IQSEC1: variants seen among roughly 807,000 people sequenced by gnomAD.
IQSEC1 encodes the protein IQ motif and Sec7 domain ArfGEF 1.
Under a neutral mutation model 91.0 loss-of-function variants are expected in IQSEC1, and 31 were observed. The observed-to-expected ratio is 0.34, with a 90% CI of 0.26 to 0.46. The LOEUF (loss-of-function observed/expected upper bound fraction) is 0.46. Among genes scored for constraint, IQSEC1 ranks in the 20% least tolerant of loss-of-function variants. The pLI, the probability that IQSEC1 is intolerant of heterozygous loss-of-function variation, is 1.00. For missense variants in IQSEC1, 1,388 were observed against 1,575.6 expected (o/e 0.88, Z 2.02); for synonymous variants, 699 against 662.6 (o/e 1.05, Z -0.84).
rs908585878 is a variant in IQSEC1, at chr3:13,172,319, T to G, written c.273-8186A>C. Among the ~76,000 whole-genome samples the G allele has an allele frequency of 2.6e-5, 4 of 151,724 alleles. No individual in the cohort carries two copies. In the South Asian group the frequency reaches 8.3e-4, roughly 32 times the overall value. ...GGAGCGGGGCCTGGCACAGAGGAGG[T>G]CTGTTTTTCACAAACAGGTGTTGAA... On this transcript the variant is annotated intron_variant, in intron 1 of 15. Coordinates refer to the IQSEC1 transcript ENST00000648114.
At chr3:13,113,479 C>T (rs1303358052) in intron 2 of IQSEC1, among the ~76,000 whole-genome samples, 1 of 152,228 alleles carries the variant, frequency 6.6e-6, no homozygotes, top group Non-Finnish European at 1.5e-5. Context: ...TGCAGCAGTG[C>T]AGCACCTAGA....
intron 1 of IQSEC1, among the ~76,000 whole-genome samples, chr3:13,032,528 A>C (rs1576193120): frequency 6.6e-6 from 1 of 152,086 alleles, no homozygotes; most frequent in African/African-American, 2.4e-5. Context: ...CCCCTAAAAC[A>C]CCAAAATAGC....
intron 1 of IQSEC1, among the ~76,000 whole-genome samples, chr3:13,279,730 T>C (rs1413038396): frequency 6.6e-6 from 1 of 152,176 alleles, no homozygotes; most frequent in African/African-American, 2.4e-5. Flanking sequence ...TAGCCTGGCA[T>C]GCTCGCCAGA....
In IQSEC1 at chr3:12,897,697, T is replaced by C. The variant is rs1693782965; in HGVS notation, c.*3286A>G. 1 of 152,264 alleles carries C rather than the reference T, an allele frequency of 6.6e-6. No homozygotes were observed. Among genetic ancestry groups the C allele is most frequent in the Admixed American group, 6.5e-5 (1 of 15,286 alleles). 9.4% of individuals were successfully genotyped at this position (152,264 alleles called of 1,614,324 possible). On this transcript the variant is annotated 3_prime_UTR_variant, in exon 14 of 14. Transcript: ENST00000613206. The stretch of plus-strand genomic sequence containing the variant: ...TATTTTACAAGGAGAACTGTAAGAC[T>C]GTGCGTGCTTACCTGCGGGCACAGA...
chr3:12,980,760 G>A (rs1236675073), intron 1 of IQSEC1, among the ~76,000 whole-genome samples: 2 of 152,008 alleles, frequency 1.3e-5, no homozygotes, highest in African/African-American at 4.8e-5. Flanking sequence ...CCTGTTTTGG[G>A]CCTCGTCTGG....
chr3:13,100,596 C>T (rs1314145114), intron 2 of IQSEC1, among the ~76,000 whole-genome samples: 3 of 148,560 alleles, frequency 2.0e-5, no homozygotes, highest in Non-Finnish European at 4.5e-5. Context: ...TTCAGGTCAG[C>T]GGTTGGGAGT....
chr3:13,034,252 T>C (rs969844526), intron 1 of IQSEC1, among the ~76,000 whole-genome samples: 1 of 152,010 alleles, frequency 6.6e-6, no homozygotes, highest in East Asian at 1.9e-4. Context: ...GCCATGATCT[T>C]CCCCCTCCGG....
At chr3:13,123,094 T>C (rs1269151386) in intron 2 of IQSEC1, among the ~76,000 whole-genome samples, 1 of 152,150 alleles carries the variant, frequency 6.6e-6, no homozygotes, top group Admixed American at 6.5e-5. Context: ...AGGAAGACAA[T>C]TACATGTCAA....
chr3:12,967,157 T>A lies in IQSEC1; in HGVS notation c.24-25292A>T, dbSNP rs1386124282. On this transcript the variant is annotated intron_variant, in intron 1 of 13. Coordinates refer to ENST00000613206, the MANE Select transcript of IQSEC1 (RefSeq NM_001134382.3). The surrounding 1 kb of genome is among the most constrained non-coding windows in gnomAD (Gnocchi z 5.9). ...TCCCAGGGCACACACAGCGCTCCTG[T>A]CCCAAGGGCGCGTCTCTCTCTCCCA... Among the ~76,000 whole-genome samples the A allele has an allele frequency of 6.6e-6, 1 of 151,966 alleles. No homozygotes were observed. Among genetic ancestry groups the A allele is most frequent in the Non-Finnish European group, 1.5e-5 (1 of 67,968 alleles).
intron 1 of IQSEC1, among the ~76,000 whole-genome samples, chr3:12,952,419 T>C (rs1271403698): frequency 6.6e-6 from 1 of 152,212 alleles, no homozygotes; most frequent in Non-Finnish European, 1.5e-5. Context: ...CTGCTCCGCC[T>C]TCAACACAGA....
chr3:13,200,994 G>A (rs1694234151), intron 1 of IQSEC1, among the ~76,000 whole-genome samples: 1 of 152,198 alleles, frequency 6.6e-6, no homozygotes, highest in Non-Finnish European at 1.5e-5. Context: ...CCCATTCCTA[G>A]TCCCTGAGCC....
chr3:13,179,094 CAGTT>C (rs1693789024), intron 1 of IQSEC1, among the ~76,000 whole-genome samples: 3 of 152,142 alleles, frequency 2.0e-5, no homozygotes, highest in Admixed American at 2.0e-4. Flanking sequence ...TAGTTTTAGT[CAGTT>C]AGGGAGATGG....
chr3:13,195,864 C>G (rs1308107253), intron 1 of IQSEC1, among the ~76,000 whole-genome samples: 1 of 152,252 alleles, frequency 6.6e-6, no homozygotes, highest in Non-Finnish European at 1.5e-5. Flanking sequence ...GGGATGGTAT[C>G]AGTATCAATA....
At chr3:12,915,811 G>A (rs550102751) in intron 6 of IQSEC1, 78 bp from the exon 7 acceptor site, 24 of 1,546,228 alleles carry the variant, frequency 1.6e-5, no homozygotes, top group South Asian at 1.4e-4. Flanking sequence ...CAAATCAGAG[G>A]AGCGAACCTT....
chr3:12,920,896 T>G (rs1015824092), intron 5 of IQSEC1, among the ~76,000 whole-genome samples: 2 of 152,092 alleles, frequency 1.3e-5, no homozygotes, highest in African/African-American at 4.8e-5. Context: ...TGAACACATG[T>G]GATGTGAGTG....
intron 1 of IQSEC1, among the ~76,000 whole-genome samples, chr3:13,035,967 C>T (rs547124593): frequency 1.3e-5 from 2 of 152,320 alleles, no homozygotes; most frequent in Admixed American, 6.5e-5. Context: ...GCTAAGGTCT[C>T]AGCTGTCAGC....
intron 1 of IQSEC1, among the ~76,000 whole-genome samples, chr3:13,039,259 C>T (rs1397170158): frequency 1.3e-5 from 2 of 152,162 alleles, no homozygotes; most frequent in Admixed American, 6.5e-5. Flanking sequence ...GATTTCTTTC[C>T]GTTTGCTAGT....
chr3:13,226,139 A>C (rs755505856), intron 1 of IQSEC1, among the ~76,000 whole-genome samples: 7 of 152,174 alleles, frequency 4.6e-5, no homozygotes, highest in Non-Finnish European at 8.8e-5. Context: ...TCGGCCTCCC[A>C]AAGTGCTGGG....
At chr3:13,241,047 C>T (rs1363528469) in intron 1 of IQSEC1, among the ~76,000 whole-genome samples, 2 of 152,206 alleles carry the variant, frequency 1.3e-5, no homozygotes, top group African/African-American at 4.8e-5. Context: ...CCAAACCAGG[C>T]ACTTGATGGT....
Sources: allele counts gnomAD v4.1 joint callset (sites outside exome capture counted in the v4.1 genomes callset), GRCh38; gene constraint gnomAD v4.1.1; non-coding constraint Gnocchi (gnomAD v3.1); transcripts MANE v1.5; gene names NCBI Gene and HGNC (gene_info 2026-07-23, HGNC 2026-07-21).